CDH2: variants seen among roughly 807,000 people sequenced by gnomAD.
The protein encoded by CDH2 is cadherin-2.
CDH2 carries 17 observed loss-of-function variants against 92.0 expected under a neutral mutation model. The observed-to-expected ratio is 0.18, with a 90% CI of 0.13 to 0.28. The LOEUF is 0.28. Among genes scored for constraint, CDH2 ranks in the 10% least tolerant of loss-of-function variants. CDH2 has a pLI of 1.00. For synonymous variants in CDH2, 419 were observed against 415.9 expected (o/e 1.01, Z -0.09); for missense variants, 862 against 1,133.1 (o/e 0.76, Z 3.44).
At chr18:28,078,240 C>T (rs2014762127) in intron 2 of CDH2, among the ~76,000 whole-genome samples, 1 of 152,116 alleles carries the variant, frequency 6.6e-6, no homozygotes, top group Non-Finnish European at 1.5e-5. Flanking sequence ...ACAGGATCCT[C>T]CAGCGCTGAG....
chr18:27,948,470 C>T (rs376457024), downstream of CDH2, among the ~76,000 whole-genome samples: 2 of 151,598 alleles, frequency 1.3e-5, no homozygotes, highest in Non-Finnish European at 1.5e-5. Context: ...GTGTTAAGAC[C>T]TTCTCAAAAA....
chr18:27,994,475 G>A (rs2012520755), intron 7 of CDH2, among the ~76,000 whole-genome samples: 1 of 152,196 alleles, frequency 6.6e-6, no homozygotes, highest in African/African-American at 2.4e-5. Flanking sequence ...AAAATGCTGA[G>A]ATTGAGAAGT....
At chr18:28,169,629 C>CA (rs2016435365) in intron 1 of CDH2, among the ~76,000 whole-genome samples, 2 of 152,040 alleles carry the variant, frequency 1.3e-5, no homozygotes, top group African/African-American at 4.8e-5. Context: ...ATTAAAACTA[C>CA]AATATATGGG....
chr18:28,007,297 A>G (rs970508181), intron 5 of CDH2, among the ~76,000 whole-genome samples: 5 of 150,820 alleles, frequency 3.3e-5, no homozygotes, highest in African/African-American at 4.9e-5. Flanking sequence ...AAAAATATTC[A>G]TTTGGCTACA....
chr18:27,990,399 G>C (rs1466036624), intron 9 of CDH2, 49 bp from the exon 10 acceptor site: 1 of 1,547,536 alleles, frequency 6.5e-7, no homozygotes, highest in East Asian at 2.3e-5. Context: ...AAGAATGCTT[G>C]CATTCTGTAG....
chr18:28,133,447 G>T (rs569135267), intron 2 of CDH2, among the ~76,000 whole-genome samples: 6 of 151,870 alleles, frequency 4.0e-5, no homozygotes, highest in Admixed American at 6.6e-5. Context: ...GCCGGGTGTG[G>T]TGTGGGTGCC....
Position 27,985,664 on chromosome 18 carries a change from G to A in CDH2, c.1839C>T (p.Cys613=), listed in dbSNP as rs754880999. The part of the protein sequence containing the change: ...PQVLPQEAET[C]ETPDPNSINI... ...TAATTGAATTGGGGTCTGGAGTTTC[G>A]CAAGTCTCTGCCTCTTGAGGTAACA... The change falls in exon 12 of 16, where the codon TGC becomes TGT. Residue 613 remains cysteine, a synonymous_variant. Coordinates refer to ENST00000269141, the MANE Select transcript of CDH2 (RefSeq NM_001792.5). 17 of 1,613,394 alleles carry A rather than the reference G, an allele frequency of 1.1e-5. No homozygotes were observed. Among genetic ancestry groups the A allele is most frequent in the Admixed American group, 3.3e-5 (2 of 59,992 alleles).
intron 2 of CDH2, among the ~76,000 whole-genome samples, chr18:28,053,429 C>T (rs1173656068): frequency 2.0e-5 from 3 of 152,112 alleles, no homozygotes; most frequent in African/African-American, 4.8e-5. Context: ...TTACCTGTCA[C>T]ATGTTAAATA....
At chr18:28,118,835 T>G (rs901744106) in intron 2 of CDH2, among the ~76,000 whole-genome samples, 1 of 152,070 alleles carries the variant, frequency 6.6e-6, no homozygotes, top group Admixed American at 6.6e-5. Context: ...TGGGAAAATA[T>G]GAACTCTGAA....
chr18:27,942,460 T>G (rs1469480473), intron 6 of CDH2, among the ~76,000 whole-genome samples: 2 of 152,136 alleles, frequency 1.3e-5, no homozygotes, highest in Non-Finnish European at 2.9e-5. Context: ...TTATCTGAAG[T>G]TATGCAGCCA....
chr18:28,166,170 ATATGTC>A (rs1284384511), intron 1 of CDH2, among the ~76,000 whole-genome samples: 2 of 136,126 alleles, frequency 1.5e-5, no homozygotes, highest in Non-Finnish European at 3.1e-5. Flanking sequence ...ATATATATAT[ATATGTC>A]TGTATTTTAA....
chr18:28,029,966 C>T (rs2013651633), intron 2 of CDH2, among the ~76,000 whole-genome samples: 5 of 152,074 alleles, frequency 3.3e-5, no homozygotes, highest in Admixed American at 3.3e-4. Flanking sequence ...AAGATGATGT[C>T]CAGGCAAGCA....
intron 6 of CDH2, among the ~76,000 whole-genome samples, chr18:27,945,707 C>T (rs1038709321): frequency 3.9e-5 from 6 of 152,050 alleles, no homozygotes; most frequent in African/African-American, 1.4e-4. Context: ...GTGGGAACAA[C>T]CAGTGAGAGC....
At chr18:28,139,740 T>TAAC (rs935130612) in intron 2 of CDH2, among the ~76,000 whole-genome samples, 15 of 152,046 alleles carry the variant, frequency 9.9e-5, no homozygotes, top group African/African-American at 3.6e-4. Context: ...TCTAACTTCC[T>TAAC]AACACTACAG....
At chr18:28,101,856 C>T (rs1367308567) in intron 2 of CDH2, among the ~76,000 whole-genome samples, 5 of 152,126 alleles carry the variant, frequency 3.3e-5, no homozygotes, top group Non-Finnish European at 7.4e-5. Flanking sequence ...CCTACAAACA[C>T]ACCCCACTTT....
intron 2 of CDH2, among the ~76,000 whole-genome samples, chr18:28,072,414 G>A (rs751683535): frequency 3.9e-5 from 6 of 151,966 alleles, no homozygotes; most frequent in Non-Finnish European, 8.8e-5. Flanking sequence ...TATCCCCTTC[G>A]ACAGGCCTAC....
At chr18:28,155,526 C>T (rs1300535361) in intron 1 of CDH2, among the ~76,000 whole-genome samples, 1 of 152,108 alleles carries the variant, frequency 6.6e-6, no homozygotes, top group Non-Finnish European at 1.5e-5. Flanking sequence ...CAAACAAGGA[C>T]AAAAGATGCA....
At chr18:28,019,473 T>C (rs1244379489) in intron 2 of CDH2, among the ~76,000 whole-genome samples, 1 of 152,052 alleles carries the variant, frequency 6.6e-6, no homozygotes, top group African/African-American at 2.4e-5. Flanking sequence ...ATTCTATTAA[T>C]GTTGTACTGT....
At chr18:27,957,760 A>G (rs1286779228) in intron 15 of CDH2, among the ~76,000 whole-genome samples, 1 of 152,208 alleles carries the variant, frequency 6.6e-6, no homozygotes, top group Non-Finnish European at 1.5e-5. Context: ...AGAAACAGCT[A>G]GAATCTAGAT....
Sources: allele counts gnomAD v4.1 joint callset (sites outside exome capture counted in the v4.1 genomes callset), GRCh38; gene constraint gnomAD v4.1.1; transcripts MANE v1.5; gene names NCBI Gene and HGNC (gene_info 2026-07-23, HGNC 2026-07-21).